The following COL23A1 variants were observed in gnomAD, a reference collection of about 807,000 sequenced individuals.
The protein encoded by COL23A1 is collagen type XXIII alpha 1 chain, also known as collagen alpha-1(XXIII) chain.
COL23A1 carries 97 observed loss-of-function variants against 99.3 expected under a neutral mutation model. That is an observed-to-expected ratio of 0.98 (90% CI 0.83 to 1.16). The LOEUF is 1.16. Ranked by LOEUF, COL23A1 falls within the 50% of genes most tolerant of loss-of-function variation. COL23A1 has a pLI of 0.00. For synonymous variants in COL23A1, 320 were observed against 308.2 expected (o/e 1.04, Z -0.40); for missense variants, 762 against 757.4 (o/e 1.01, Z -0.07).
chr5:178,571,979 A>C (rs1294440025), intron 1 of COL23A1, among the ~76,000 whole-genome samples: 2 of 151,114 alleles, frequency 1.3e-5, no homozygotes, highest in Non-Finnish European at 1.5e-5. Context: ...GAGGCAGGAG[A>C]ATGGCGTGAA....
At chr5:178,470,671 C>G (rs143571782) in intron 2 of COL23A1, among the ~76,000 whole-genome samples, 3 of 152,356 alleles carry the variant, frequency 2.0e-5, no homozygotes, top group African/African-American at 7.2e-5. Flanking sequence ...TCATACGACA[C>G]AAGCATCCTG....
At chr5:178,588,061 G>A (rs1282834835) in intron 1 of COL23A1, among the ~76,000 whole-genome samples, 1 of 152,164 alleles carries the variant, frequency 6.6e-6, no homozygotes, top group Non-Finnish European at 1.5e-5. Context: ...TGAATGGCAC[G>A]GCAAATTCTC....
chr5:178,516,908 A>G (rs1219782815), intron 2 of COL23A1, among the ~76,000 whole-genome samples: 1 of 152,204 alleles, frequency 6.6e-6, no homozygotes, highest in Non-Finnish European at 1.5e-5. Context: ...TGCGACCAGT[A>G]GCTGGTGGGA....
chr5:178,378,190 A>G (rs1295496017), intron 2 of COL23A1: 1 of 152,258 alleles, frequency 6.6e-6, no homozygotes, highest in Non-Finnish European at 1.5e-5. Flanking sequence ...ACTGCACTCT[A>G]GCCTGGACAA....
intron 17 of COL23A1, among the ~76,000 whole-genome samples, chr5:178,250,381 C>G (rs561741751): frequency 6.6e-6 from 1 of 152,212 alleles, no homozygotes; most frequent in Non-Finnish European, 1.5e-5. Context: ...CCAGGAACAA[C>G]GATGCCGGGA....
chr5:178,379,476 C>G (rs922630740), intron 2 of COL23A1, among the ~76,000 whole-genome samples: 5 of 152,092 alleles, frequency 3.3e-5, no homozygotes, highest in Admixed American at 2.0e-4. Flanking sequence ...ATGAAGGCAG[C>G]CTTTGACACA....
chr5:178,534,156 C>T (rs1339378199), intron 2 of COL23A1, among the ~76,000 whole-genome samples: 1 of 152,152 alleles, frequency 6.6e-6, no homozygotes, highest in Non-Finnish European at 1.5e-5. Flanking sequence ...TCTTGCAGTT[C>T]TGGAGGCTGG....
chr5:178,524,055 TG>T (rs1261940916), intron 2 of COL23A1, among the ~76,000 whole-genome samples: 2 of 152,214 alleles, frequency 1.3e-5, no homozygotes, highest in Non-Finnish European at 1.5e-5. Context: ...GGGTCTCTGG[TG>T]TATCAGCCAG....
chr5:178,523,959 T>G (rs1177485171), intron 2 of COL23A1, among the ~76,000 whole-genome samples: 1 of 152,156 alleles, frequency 6.6e-6, no homozygotes, highest in Admixed American at 6.5e-5. Flanking sequence ...ACCCTTCCTT[T>G]TCATGATCTC....
At chr5:178,268,391 C>T (rs1756029424) in intron 7 of COL23A1, among the ~76,000 whole-genome samples, 2 of 152,162 alleles carry the variant, frequency 1.3e-5, no homozygotes. Context: ...ATACCATTAA[C>T]AGTCATGGTT....
At chr5:178,419,021 G>T (rs1024382770) in intron 2 of COL23A1, among the ~76,000 whole-genome samples, 19 of 152,208 alleles carry the variant, frequency 1.2e-4, no homozygotes, top group African/African-American at 4.6e-4. Context: ...TATGGCAGAT[G>T]CTCAAGAAAC....
chr5:178,461,597 C>T (rs1210348514), intron 2 of COL23A1, among the ~76,000 whole-genome samples: 4 of 152,268 alleles, frequency 2.6e-5, no homozygotes, highest in Non-Finnish European at 1.5e-5. Context: ...TTGGAGAGAC[C>T]GGAGTAGCCA....
chr5:178,349,868 A>AG (rs11395328), intron 2 of COL23A1, among the ~76,000 whole-genome samples: 90,603 of 151,818 alleles, frequency 0.6, 27,609 homozygotes, highest in East Asian at 0.76. Flanking sequence ...CCCTGACTGG[A>AG]GGGGGACCTC....
At chr5:178,585,687 T>TG (rs2113754650) in intron 1 of COL23A1, among the ~76,000 whole-genome samples, 3 of 152,178 alleles carry the variant, frequency 2.0e-5, no homozygotes, top group Admixed American at 6.5e-5. Flanking sequence ...TGGATGGCGC[T>TG]GGGGTAATGC....
chr5:178,528,755 C>T (rs915978853), intron 2 of COL23A1, among the ~76,000 whole-genome samples: 4 of 152,196 alleles, frequency 2.6e-5, no homozygotes, highest in South Asian at 2.1e-4. Flanking sequence ...GGTTCCGACG[C>T]GCTGAGATCG....
At chr5:178,254,410 G>T (rs1765198336) in intron 16 of COL23A1, among the ~76,000 whole-genome samples, 1 of 152,228 alleles carries the variant, frequency 6.6e-6, no homozygotes, top group African/African-American at 2.4e-5. Context: ...CCCCTTCCCA[G>T]TCTGGTCTCT....
At chr5:178,486,007 A>G (rs1442579169) in intron 2 of COL23A1, among the ~76,000 whole-genome samples, 1 of 152,190 alleles carries the variant, frequency 6.6e-6, no homozygotes, top group Non-Finnish European at 1.5e-5. Context: ...TTGAAAGATA[A>G]CAAAGACTTC....
intron 2 of COL23A1, among the ~76,000 whole-genome samples, chr5:178,335,313 G>C (rs1760258168): frequency 6.6e-6 from 1 of 152,210 alleles, no homozygotes. Flanking sequence ...TCACAAGTGT[G>C]TTCTGTGATT....
In COL23A1 at chr5:178,310,394, C is replaced by A. The variant is rs1028280469; in HGVS notation, c.362-3475G>T. Reference sequence around the variant, plus strand: ...CCAAGCCGGCTGCTCACCCAGTGAGCATGAACTTGGGACCCTTTTCCTCCA... The same window carrying A: ...CCAAGCCGGCTGCTCACCCAGTGAGAATGAACTTGGGACCCTTTTCCTCCA... On this transcript the variant is annotated intron_variant, in intron 2 of 28. Transcript: ENST00000390654. The surrounding 1 kb of genome is among the most constrained non-coding windows in gnomAD (Gnocchi z 4.3). 1.1e-3 allele frequency among the ~76,000 whole-genome samples: 169 copies of A among 152,364 alleles called. 2 individuals are homozygous for A. The highest frequency in any genetic ancestry group is 4.0e-3 in the African/African-American group (165 of 41,594).
Sources: gnomAD v4.1 joint callset for allele counts (sites outside exome capture counted in the v4.1 genomes callset) on GRCh38, gnomAD v4.1.1 for gene constraint, Gnocchi (gnomAD v3.1) non-coding constraint, MANE v1.5 for transcripts, NCBI Gene and HGNC (gene_info 2026-07-23, HGNC 2026-07-21) for gene names.